Variants in PLPPR1 observed in about 807,000 individuals in gnomAD.
PLPPR1 encodes the protein phospholipid phosphatase-related protein type 1.
Under a neutral mutation model 33.1 loss-of-function variants are expected in PLPPR1, and 10 were observed. That is an observed-to-expected ratio of 0.30 (90% CI 0.19 to 0.51). PLPPR1 has a LOEUF of 0.51. PLPPR1 is among the 20% of genes least tolerant of loss of function. The probability of loss-of-function intolerance (pLI) is 0.97; values close to 1 mark genes in which losing one functional copy is unlikely to be tolerated. For synonymous variants in PLPPR1, 151 were observed against 151.0 expected (o/e 1.00, Z 0.00); for missense variants, 304 against 408.1 (o/e 0.74, Z 2.20).
At chr9:101,221,717 A>G (rs1476635545) in intron 2 of PLPPR1, among the ~76,000 whole-genome samples, 2 of 152,212 alleles carry the variant, frequency 1.3e-5, no homozygotes, top group Admixed American at 6.5e-5. Flanking sequence ...GAAGCAGTAC[A>G]CAGGTTTGAA....
At chr9:101,051,484 C>G (rs553922854) in intron 1 of PLPPR1, among the ~76,000 whole-genome samples, 1 of 152,152 alleles carries the variant, frequency 6.6e-6, no homozygotes, top group African/African-American at 2.4e-5. Context: ...AGATTTGTAG[C>G]CTTTCCACTA....
chr9:101,229,038 C>T (rs923788131), intron 2 of PLPPR1, among the ~76,000 whole-genome samples: 4 of 151,202 alleles, frequency 2.6e-5, no homozygotes, highest in African/African-American at 9.7e-5. Context: ...CTATGACCTG[C>T]CTTGTTCAAA....
intron 3 of PLPPR1, among the ~76,000 whole-genome samples, chr9:101,280,834 T>A (rs559963362): frequency 2.0e-5 from 3 of 152,120 alleles, no homozygotes; most frequent in African/African-American, 7.2e-5. Flanking sequence ...GGGCAAAAAC[T>A]GAAAGCCTTT....
intron 1 of PLPPR1, among the ~76,000 whole-genome samples, chr9:101,096,444 T>C (rs1293842736): frequency 6.6e-6 from 1 of 152,202 alleles, no homozygotes; most frequent in East Asian, 1.9e-4. Flanking sequence ...GTGATCTGAA[T>C]AGGCATATAT....
intron 2 of PLPPR1, among the ~76,000 whole-genome samples, chr9:101,262,301 A>G (rs1029245805): frequency 6.6e-6 from 1 of 152,242 alleles, no homozygotes; most frequent in Admixed American, 6.5e-5. Flanking sequence ...AGTAGGCAGC[A>G]CAGCTGGTTT....
intron 1 of PLPPR1, among the ~76,000 whole-genome samples, chr9:101,156,721 G>T (rs1831699192): frequency 6.6e-6 from 1 of 152,086 alleles, no homozygotes; most frequent in Non-Finnish European, 1.5e-5. Context: ...ATCAGAGAAA[G>T]GGAATACCTG....
intron 3 of PLPPR1, among the ~76,000 whole-genome samples, chr9:101,272,170 A>T (rs915809292): frequency 1.3e-5 from 2 of 152,190 alleles, no homozygotes; most frequent in South Asian, 2.1e-4. Flanking sequence ...CTTATATCAA[A>T]TTTTTTAAAA....
intron 2 of PLPPR1, among the ~76,000 whole-genome samples, chr9:101,256,076 GCTGCTCCTCTTAGTTTCCGCTC>G (rs1238945134): frequency 2.4e-4 from 36 of 152,114 alleles, no homozygotes; most frequent in African/African-American, 8.7e-4. Flanking sequence ...CACATTTGCT[GCTGCTCCTCTTAGTTTCCGCTC>G]CTGCTCCTCC....
intron 2 of PLPPR1, among the ~76,000 whole-genome samples, chr9:101,218,922 A>G (rs1160730803): frequency 1.3e-5 from 2 of 152,224 alleles, no homozygotes; most frequent in Admixed American, 1.3e-4. Context: ...GAGCACAGGG[A>G]AAAAGGTAAT....
chr9:101,310,412 A>C (rs569012532), intron 5 of PLPPR1, among the ~76,000 whole-genome samples: 1 of 152,312 alleles, frequency 6.6e-6, no homozygotes, highest in African/African-American at 2.4e-5. Context: ...TTCTCAATGG[A>C]AAGTGTGGGA....
chr9:101,060,785 T>C (rs1830337520), intron 1 of PLPPR1, among the ~76,000 whole-genome samples: 1 of 151,958 alleles, frequency 6.6e-6, no homozygotes, highest in Non-Finnish European at 1.5e-5. Flanking sequence ...ATATAACTTA[T>C]TCCAGTGATG....
At chr9:101,175,734 T>C (rs955896855) in intron 1 of PLPPR1, among the ~76,000 whole-genome samples, 1 of 152,170 alleles carries the variant, frequency 6.6e-6, no homozygotes, top group African/African-American at 2.4e-5. Context: ...TTTGAAACCT[T>C]TGTCACCAAG....
chr9:101,128,212 G>C (rs542955579), intron 1 of PLPPR1, among the ~76,000 whole-genome samples: 1 of 152,290 alleles, frequency 6.6e-6, no homozygotes, highest in East Asian at 1.9e-4. Flanking sequence ...CAAGTGGTCT[G>C]TGGCTTACAT....
chr9:101,113,457 CT>C (rs1420402325), intron 1 of PLPPR1, among the ~76,000 whole-genome samples: 1 of 151,978 alleles, frequency 6.6e-6, no homozygotes, highest in Non-Finnish European at 1.5e-5. Flanking sequence ...GGAAATAGAT[CT>C]CTTATAAGAT....
intron 1 of PLPPR1, among the ~76,000 whole-genome samples, chr9:101,074,194 A>G (rs1463421998): frequency 6.6e-6 from 1 of 152,200 alleles, no homozygotes; most frequent in East Asian, 1.9e-4. Context: ...CATGCAATAC[A>G]TTAAATTGAT....
intron 2 of PLPPR1, among the ~76,000 whole-genome samples, chr9:101,237,455 C>CGT (rs57041590): frequency 3.8e-3 from 560 of 148,608 alleles, no homozygotes; most frequent in South Asian, 0.012. Context: ...AAAGAAAGGT[C>CGT]GTGTGTGTGT....
At chr9:101,260,870 G>A (rs577345136) in intron 2 of PLPPR1, among the ~76,000 whole-genome samples, 1 of 152,254 alleles carries the variant, frequency 6.6e-6, no homozygotes, top group South Asian at 2.1e-4. Flanking sequence ...TTATAGACCA[G>A]GCTGAAGAAA....
At chr9:101,238,162 CATATATATACCCTATATATATGCCCT>C (rs1338295518) in intron 2 of PLPPR1, among the ~76,000 whole-genome samples, 59 of 136,232 alleles carry the variant, frequency 4.3e-4, no homozygotes, top group South Asian at 2.1e-3. Flanking sequence ...CATATACACA[CATATATATACCCTATATATATGCCCT>C]ATATATATAC....
intron 1 of PLPPR1, among the ~76,000 whole-genome samples, chr9:101,149,189 G>A (rs1209160399): frequency 6.6e-6 from 1 of 152,098 alleles, no homozygotes; most frequent in Non-Finnish European, 1.5e-5. Context: ...TCAGAGCTAT[G>A]TTTAAAAGGA....
Sources: allele counts gnomAD v4.1 joint callset (sites outside exome capture counted in the v4.1 genomes callset), GRCh38; gene constraint gnomAD v4.1.1; transcripts MANE v1.5; gene names NCBI Gene and HGNC (gene_info 2026-07-23, HGNC 2026-07-21).